TRIOBP: variants seen among roughly 807,000 people sequenced by gnomAD.
TRIOBP encodes TRIO and F-actin-binding protein.
A neutral mutation model predicts 238.8 loss-of-function variants in TRIOBP; 169 were observed. That is an observed-to-expected ratio of 0.71 (90% confidence interval 0.62 to 0.80). The LOEUF (loss-of-function observed/expected upper bound fraction) is 0.80. TRIOBP is among the 30% of genes least tolerant of loss of function. TRIOBP has a pLI of 0.00. For missense variants in TRIOBP, 2,838 were observed against 3,122.6 expected (o/e 0.91, Z 2.17); for synonymous variants, 1,150 against 1,274.4 (o/e 0.90, Z 2.08).
At chr22:37,713,457 C>T (rs1923362371) in intron 5 of TRIOBP, 46 bp downstream of exon 5, 1 of 1,596,004 alleles carries the variant, frequency 6.3e-7, no homozygotes, top group Admixed American at 1.7e-5. Context: ...GCTCACACCT[C>T]CATCTGCAGC....
At chr22:37,741,080 G>T (rs137920289) in intron 11 of TRIOBP, 48 bp downstream of exon 11, 8 of 1,545,496 alleles carry the variant, frequency 5.2e-6, no homozygotes, top group African/African-American at 1.4e-5. Context: ...GGATAGAGAC[G>T]GGGATGGGAG....
chr22:37,715,244 C>A (rs4821695), intron 5 of TRIOBP, among the ~76,000 whole-genome samples: 146,862 of 152,178 alleles, frequency 0.97, 70,894 homozygotes, highest in East Asian at 1. Flanking sequence ...CGAACTCCTG[C>A]CCTCAGGTGA....
intron 6 of TRIOBP, among the ~76,000 whole-genome samples, chr22:37,721,346 G>A (rs1292319745): frequency 6.6e-6 from 1 of 152,146 alleles, no homozygotes; most frequent in Non-Finnish European, 1.5e-5. Flanking sequence ...GCTAGGTGCT[G>A]GGAACTCAGA....
chr22:37,744,839 T>C (rs1925136956), intron 11 of TRIOBP, among the ~76,000 whole-genome samples: 1 of 152,052 alleles, frequency 6.6e-6, no homozygotes, highest in African/African-American at 2.4e-5. Flanking sequence ...TTTCTTTATC[T>C]GCAAAATGGG....
chr22:37,720,197 C>T (rs1373415295), intron 6 of TRIOBP, among the ~76,000 whole-genome samples: 3 of 151,546 alleles, frequency 2.0e-5, no homozygotes, highest in African/African-American at 7.3e-5. Flanking sequence ...TTAGTAGAGA[C>T]GGGGTTTCTC....
Position 37,725,900 on chromosome 22 carries a change from G to A in TRIOBP, c.3344G>A (p.Gly1115Glu). ...CAGCTCCCTGCACCTGTGTGTATTG[G>A]GTACCGAGATGCACCCCGGGCCTCC... is the stretch of plus-strand genomic sequence containing the variant. Reference protein sequence around the residue: ...PLQLPAPVCIGYRDAPRASSP... With the variant: ...PLQLPAPVCIEYRDAPRASSP... The change falls in exon 7 of 24, where the codon GGG (glycine) becomes GAG (glutamate). Residue 1115 changes from glycine (G) to glutamate (E), a missense_variant. Physicochemically the swap from Gly to Glu is moderately conservative, Grantham distance 98. This residue lies in a region of TRIOBP where 2,096 missense variants were observed against 2,137.4 expected (regional missense o/e 0.98). Transcript: ENST00000644935. 6.2e-7 allele frequency: 1 copy of A among 1,613,330 alleles called. No homozygotes were observed. Among genetic ancestry groups the A allele is most frequent in the South Asian group, 1.1e-5 (1 of 91,048 alleles).
Position 37,715,896 on chromosome 22 carries a change from C to T in TRIOBP, c.590C>T (p.Ser197Phe), listed in dbSNP as rs1487856891. Residue 197 changes from serine to phenylalanine, a missense_variant, in exon 6 of 24, where the codon TCC becomes TTC. Ser to Phe is a radical substitution (Grantham distance 155, BLOSUM62 -2). Around this residue, in one of 5 missense-constraint regions of TRIOBP, gnomAD observed 535 missense variants for 537.3 expected, o/e 1.00. Coordinates refer to ENST00000644935, the MANE Select transcript of TRIOBP (RefSeq NM_001039141.3). ...AGGGCTCCGTCTCTCCTCACCAGGT[C>T]CCCTGTGGGAGGAGATGCTGCAGGC... ...SQRAPSLLTR[S>F]PVGGDAAGQK... is the part of the protein sequence containing the mutation. 1.2e-6 allele frequency: 2 copies of T among 1,613,504 alleles called. No homozygotes were observed. The highest frequency in any genetic ancestry group is 1.7e-6 in the Non-Finnish European group (2 of 1,179,880).
intron 17 of TRIOBP, among the ~76,000 whole-genome samples, chr22:37,764,320 C>T (rs924177929): frequency 9.2e-5 from 14 of 152,310 alleles, no homozygotes; most frequent in Admixed American, 2.0e-4. Context: ...TTCACTGGGA[C>T]GGACAGGTCT....
At chr22:37,759,385 G>C (rs1249893824) in intron 17 of TRIOBP, 121 bp downstream of exon 17, 3 of 1,278,716 alleles carry the variant, frequency 2.3e-6, no homozygotes, top group Non-Finnish European at 2.3e-6. Context: ...TGGGGCATTT[G>C]ACATGCGTCA....
At chr22:37,728,959 A>G (rs1355290165) in intron 7 of TRIOBP, among the ~76,000 whole-genome samples, 1 of 152,094 alleles carries the variant, frequency 6.6e-6, no homozygotes, top group African/African-American at 2.4e-5. Context: ...TCTGTCACCC[A>G]GGCTGGAGTG....
intron 15 of TRIOBP, 44 bp from the exon 16 acceptor site, chr22:37,757,569 G>A: frequency 6.5e-7 from 1 of 1,547,826 alleles, no homozygotes; most frequent in Non-Finnish European, 8.7e-7. Flanking sequence ...TTGTGGGACT[G>A]CAGGGGTGAG....
intron 12 of TRIOBP, among the ~76,000 whole-genome samples, chr22:37,753,943 A>G (rs1204887376): frequency 6.6e-6 from 1 of 152,146 alleles, no homozygotes; most frequent in Non-Finnish European, 1.5e-5. Flanking sequence ...TGGGCTTGGC[A>G]TACTATCAGG....
rs373910110 is a variant in TRIOBP at position 37,718,243 on chromosome 22, T to C, written c.628+2309T>C. Among the ~76,000 whole-genome samples, 1,457 of 152,310 alleles carry C rather than the reference T, an allele frequency of 9.6e-3. 23 individuals are homozygous for C. The highest frequency in any genetic ancestry group is 0.034 in the African/African-American group (1,402 of 41,574). On this transcript the variant is annotated intron_variant, in intron 6 of 23. Transcript: ENST00000644935. ...TCTCCCTCCACACCTCCGTGCAAGCTGAGGGAGCCAGCTCCGGCCTCGGCC... is the reference window on the plus strand; with the variant it reads ...TCTCCCTCCACACCTCCGTGCAAGCCGAGGGAGCCAGCTCCGGCCTCGGCC...
intron 3 of TRIOBP, among the ~76,000 whole-genome samples, chr22:37,708,348 C>T (rs1923060646): frequency 1.3e-5 from 2 of 151,648 alleles, no homozygotes; most frequent in Admixed American, 6.6e-5. Flanking sequence ...ATCAGGAGTT[C>T]GAGACCAGTC....
chr22:37,755,168 G>A lies in TRIOBP; in HGVS notation c.5555G>A (p.Arg1852His), dbSNP rs146797661. ...CTDVTEYAVQ[R>H]NYGFQIHTKD... is the part of the protein sequence containing the mutation. ...GATGTCACTGAGTACGCGGTGCAGC[G>A]CAACTATGGCTTCCAGATCCACGTG... The change falls in exon 14 of 24, where the codon CGC becomes CAC. Residue 1852 changes from arginine to histidine, a missense_variant. This residue lies in a region of TRIOBP where 2,096 missense variants were observed against 2,137.4 expected (regional missense o/e 0.98). Transcript: ENST00000644935. The A allele has an allele frequency of 2.5e-6, 4 of 1,612,858 alleles. No homozygotes were observed. The highest frequency in any genetic ancestry group is 1.3e-5 in the African/African-American group (1 of 75,008).
At chr22:37,735,957 T>A (rs2145843655) in intron 9 of TRIOBP, among the ~76,000 whole-genome samples, 1 of 152,304 alleles carries the variant, frequency 6.6e-6, no homozygotes, top group Non-Finnish European at 1.5e-5. Context: ...CTGGTGGTAC[T>A]CAGGTACCTG....
rs540431717 is a variant in TRIOBP, at chr22:37,709,765, G to C, written c.115-662G>C. Reference sequence around the variant, plus strand: ...CTTCACAGGTGTGGCCTTGCCAAAGGTGGAGGGAGAGAGGAGTGGGCAGCT... The same window carrying C: ...CTTCACAGGTGTGGCCTTGCCAAAGCTGGAGGGAGAGAGGAGTGGGCAGCT... On this transcript the variant is annotated intron_variant, in intron 3 of 23. Transcript: ENST00000644935. 2.0e-5 allele frequency among the ~76,000 whole-genome samples: 3 copies of C among 152,334 alleles called. No homozygotes were observed. The East Asian group carries it at 5.8e-4, about 29-fold the overall frequency.
chr22:37,725,050 G>A lies in TRIOBP; in HGVS notation c.2494G>A (p.Asp832Asn), dbSNP rs1924059246. 2 of 1,614,098 alleles carry A rather than the reference G, an allele frequency of 1.2e-6. No individual in the cohort carries two copies. The highest frequency in any genetic ancestry group is 1.6e-4 in the Middle Eastern group (1 of 6,062). ...NIPRSSSTQQDNPKTSCTKRD... is the reference protein window; with the variant it reads ...NIPRSSSTQQNNPKTSCTKRD... ...CCCCAGATCATCTTCTACCCAACAA[G>A]ACAACCCTAAAACCTCTTGTACCAA... Residue 832 changes from aspartate (D) to asparagine (N), a missense_variant, in exon 7 of 24, where the codon GAC becomes AAC. This residue lies in a region of TRIOBP where 2,096 missense variants were observed against 2,137.4 expected (regional missense o/e 0.98). Transcript: ENST00000644935.
Position 37,725,287 on chromosome 22 carries a change from C to A in TRIOBP, c.2731C>A (p.Leu911Ile). Residue 911 changes from leucine to isoleucine, a missense_variant, in exon 7 of 24, where the codon CTC (leucine) becomes ATC (isoleucine). By Grantham distance (5) the Leu-to-Ile change is conservative (BLOSUM62 2). Transcript: ENST00000644935. The part of the protein sequence containing the change: ...NKDIPWASFP[L>I]RPTQSDGPRT... ...AGACATCCCCTGGGCCTCGTTTCCC[C>A]TCCGGCCAACTCAGAGTGATGGTCC... The A allele has an allele frequency of 6.2e-7, 1 of 1,613,970 alleles. No homozygotes were observed. The highest frequency in any genetic ancestry group is 8.5e-7 in the Non-Finnish European group (1 of 1,180,022).
Sources: gnomAD v4.1 joint callset for allele counts (sites outside exome capture counted in the v4.1 genomes callset) on GRCh38, gnomAD v4.1.1 for gene constraint, gnomAD v4.1.1 regional missense constraint, MANE v1.5 for transcripts, NCBI Gene and HGNC (gene_info 2026-07-23, HGNC 2026-07-21) for gene names.